Variants in SOS2 observed in about 807,000 individuals in gnomAD.
The protein encoded by SOS2 is son of sevenless homolog 2.
A neutral mutation model predicts 148.2 loss-of-function variants in SOS2; 65 were observed. That is an observed-to-expected ratio of 0.44 (90% CI 0.36 to 0.54). The LOEUF is 0.54. Ranked by LOEUF, SOS2 falls within the 20% of genes least tolerant of loss-of-function variation. The pLI is 0.00. For missense variants in SOS2, 1,341 were observed against 1,590.2 expected, an observed-to-expected ratio of 0.84 and a Z score of 2.67; for synonymous variants, 539 against 537.1, an observed-to-expected ratio of 1.00 and a Z score of -0.05.
intron 7 of SOS2, among the ~76,000 whole-genome samples, chr14:50,179,432 T>C (rs533071088): frequency 6.6e-6 from 1 of 152,334 alleles, no homozygotes; most frequent in African/African-American, 2.4e-5. Context: ...TACCCAAGGC[T>C]GGAGTGCAGT....
chr14:50,199,958 T>G, intron 3 of SOS2, 103 bp from the exon 4 acceptor site: 1 of 692,062 alleles, frequency 1.4e-6, no homozygotes. Context: ...AAATTTTCTA[T>G]TAACTACATG....
At chr14:50,137,923 T>G (rs1345276730) in intron 18 of SOS2, among the ~76,000 whole-genome samples, 1 of 152,178 alleles carries the variant, frequency 6.6e-6, no homozygotes, top group Non-Finnish European at 1.5e-5. Flanking sequence ...CACTGCAGCC[T>G]CCACCTCCTG....
intron 2 of SOS2, 84 bp from the exon 3 acceptor site, chr14:50,201,168 A>C: frequency 8.2e-7 from 1 of 1,219,472 alleles, no homozygotes; most frequent in Non-Finnish European, 1.2e-6. Context: ...CTTGATCTCT[A>C]TTCTTAATGC....
chr14:50,147,786 A>G (rs149984793), intron 14 of SOS2, among the ~76,000 whole-genome samples: 2 of 152,330 alleles, frequency 1.3e-5, no homozygotes, highest in East Asian at 3.9e-4. Context: ...ATTCAGACAG[A>G]AGAGCAGATT....
chr14:50,224,844 C>T (rs1887317414), intron 1 of SOS2, among the ~76,000 whole-genome samples: 1 of 144,272 alleles, frequency 6.9e-6, no homozygotes, highest in African/African-American at 2.6e-5. Context: ...TATGATCATG[C>T]CACTGTACTC....
chr14:50,209,228 G>C (rs903698788), intron 1 of SOS2, among the ~76,000 whole-genome samples: 1 of 149,220 alleles, frequency 6.7e-6, no homozygotes, highest in African/African-American at 2.5e-5. Context: ...TGCAGATCTT[G>C]GACTTCTGGG....
At chr14:50,131,168 C>T (rs1358587917) in intron 19 of SOS2, among the ~76,000 whole-genome samples, 1 of 151,958 alleles carries the variant, frequency 6.6e-6, no homozygotes, top group Non-Finnish European at 1.5e-5. Flanking sequence ...TTTCCCCTTC[C>T]TATACTAAAT....
chr14:50,161,402 A>C, intron 9 of SOS2, 80 bp downstream of exon 9: 2 of 1,112,198 alleles, frequency 1.8e-6, no homozygotes, highest in Non-Finnish European at 2.6e-6. Flanking sequence ...TATCACAATA[A>C]ATCACACTTC....
intron 19 of SOS2, among the ~76,000 whole-genome samples, chr14:50,133,119 G>T (rs1883942203): frequency 6.6e-6 from 1 of 151,756 alleles, no homozygotes; most frequent in South Asian, 2.1e-4. Flanking sequence ...GCTTACAAAA[G>T]TGTCCTGAAC....
chr14:50,169,303 G>A (rs1885281481), intron 8 of SOS2, among the ~76,000 whole-genome samples: 1 of 149,408 alleles, frequency 6.7e-6, no homozygotes, highest in African/African-American at 2.5e-5. Flanking sequence ...GCGACAGAGT[G>A]GGACTCCATC....
intron 7 of SOS2, among the ~76,000 whole-genome samples, chr14:50,175,046 CAAAAT>C (rs377570188): frequency 2.4e-3 from 213 of 87,214 alleles, no homozygotes; most frequent in African/African-American, 8.8e-3. Flanking sequence ...TCTTCACTGT[CAAAAT>C]AAACAGCAAC....
At position 50,228,695 on chromosome 14, in the gene SOS2, C is replaced by T. The variant is rs1225587780; in HGVS notation, c.87+2502G>A. ...AGCTACATTGCTGCTTTCATAGACA[C>T]ACAAATACCCCTTACTGAACTCTGA... is the stretch of plus-strand genomic sequence containing the variant. On this transcript the variant is annotated intron_variant, in intron 1 of 22. Transcript: ENST00000216373. Among the ~76,000 whole-genome samples the T allele has an allele frequency of 2.0e-5, 3 of 152,170 alleles. 1 individual carries two copies. The highest frequency in any genetic ancestry group is 2.0e-4 in the Admixed American group (3 of 15,274).
At chr14:50,218,640 G>A (rs1337092245) in intron 1 of SOS2, among the ~76,000 whole-genome samples, 1 of 152,042 alleles carries the variant, frequency 6.6e-6, no homozygotes, top group Non-Finnish European at 1.5e-5. Context: ...AAACATGAAA[G>A]ATGTTGAACA....
chr14:50,200,012 C>T (rs1235724933), intron 3 of SOS2, among the ~76,000 whole-genome samples, 157 bp from the exon 4 acceptor site: 1 of 152,114 alleles, frequency 6.6e-6, no homozygotes, highest in East Asian at 1.9e-4. Context: ...AATCTTTGGT[C>T]CCTGTATTAG....
intron 21 of SOS2, among the ~76,000 whole-genome samples, chr14:50,123,383 T>TTC: frequency 6.9e-6 from 1 of 145,678 alleles, no homozygotes; most frequent in Admixed American, 6.7e-5. Context: ...CAGAGGGCTT[T>TTC]TTTTTTTTTT....
At chr14:50,196,036 AAAAAAC>A (rs1163251940) in intron 4 of SOS2, among the ~76,000 whole-genome samples, 1 of 152,192 alleles carries the variant, frequency 6.6e-6, no homozygotes, top group African/African-American at 2.4e-5. Flanking sequence ...CAAAAAAGAA[AAAAAAC>A]AAAAACAAAA....
At chr14:50,215,972 T>A (rs1263521004) in intron 1 of SOS2, among the ~76,000 whole-genome samples, 1 of 152,192 alleles carries the variant, frequency 6.6e-6, no homozygotes, top group Non-Finnish European at 1.5e-5. Flanking sequence ...GGATATAGAG[T>A]CTGACTGATA....
chr14:50,187,489 A>T (rs1332480095), intron 5 of SOS2, among the ~76,000 whole-genome samples: 1 of 151,538 alleles, frequency 6.6e-6, no homozygotes, highest in Non-Finnish European at 1.5e-5. Context: ...CTGGGACTAC[A>T]GGCGCCCACC....
chr14:50,212,460 G>A (rs948551656), intron 1 of SOS2, among the ~76,000 whole-genome samples: 6 of 152,200 alleles, frequency 3.9e-5, no homozygotes, highest in African/African-American at 1.4e-4. Flanking sequence ...GCAACATAGC[G>A]AGACTCCGTC....
Sources: allele counts gnomAD v4.1 joint callset (sites outside exome capture counted in the v4.1 genomes callset), GRCh38; gene constraint gnomAD v4.1.1; transcripts MANE v1.5; gene names NCBI Gene and HGNC (gene_info 2026-07-23, HGNC 2026-07-21).